ATP2B2: variants seen among roughly 807,000 people sequenced by gnomAD.
The protein encoded by ATP2B2 is plasma membrane calcium-transporting ATPase 2.
ATP2B2 carries 15 observed loss-of-function variants against 120.0 expected under a neutral mutation model. That is an observed-to-expected ratio of 0.12 (90% CI 0.08 to 0.19). The LOEUF (loss-of-function observed/expected upper bound fraction) is 0.19. Ranked by LOEUF, ATP2B2 falls within the 10% of genes least tolerant of loss-of-function variation. ATP2B2 has a pLI of 1.00. For missense variants in ATP2B2, 1,045 were observed against 1,719.8 expected (o/e 0.61, Z 6.94); for synonymous variants, 694 against 700.3 (o/e 0.99, Z 0.14).
At chr3:10,440,100 T>TAAAAAAAAAAA (rs71055819) in intron 2 of ATP2B2, among the ~76,000 whole-genome samples, 1 of 28,142 alleles carries the variant, frequency 3.6e-5, no homozygotes, top group Non-Finnish European at 6.0e-5. Context: ...AGACTCTATC[T>TAAAAAAAAAAA]AAAAAAAAAA....
upstream of ATP2B2, among the ~76,000 whole-genome samples, chr3:10,506,612 C>G (rs967382905): frequency 6.6e-6 from 1 of 152,170 alleles, no homozygotes; most frequent in Non-Finnish European, 1.5e-5. Context: ...CTCTAGAATT[C>G]TGAAGCCTTG....
intron 3 of ATP2B2, among the ~76,000 whole-genome samples, chr3:10,522,253 G>A (rs962535893): frequency 5.9e-5 from 9 of 152,124 alleles, no homozygotes; most frequent in East Asian, 3.8e-4. Flanking sequence ...TTTTCAGTAC[G>A]TGTGTATTGC....
In ATP2B2 at chr3:10,635,249, C is replaced by A. The variant is rs1157199863; in HGVS notation, c.-459-15288G>T. 6.6e-6 allele frequency among the ~76,000 whole-genome samples: 1 copy of A among 152,156 alleles called. No individual in the cohort carries two copies. Among genetic ancestry groups the A allele is most frequent in the Non-Finnish European group, 1.5e-5 (1 of 68,036 alleles). ...TCTCTCAATTTGGGGATGTTGGCAA[C>A]TAATTCCAGTTTAAAACCCATAACA... On this transcript the variant is annotated intron_variant, in intron 1 of 21. Coordinates refer to the ATP2B2 transcript ENST00000646379. The surrounding 1 kb of genome is among the most constrained non-coding windows in gnomAD (Gnocchi z 4.3).
In ATP2B2 at chr3:10,420,019, A is replaced by C. The variant is rs183799551; in HGVS notation, c.200-9204T>G. Among the ~76,000 whole-genome samples, 126 of 152,348 alleles carry C rather than the reference A, an allele frequency of 8.3e-4. 4 individuals are homozygous for C. In the East Asian group the frequency reaches 0.019, roughly 22 times the overall value. On this transcript the variant is annotated intron_variant, in intron 2 of 22. Transcript: ENST00000360273. ...CTTCGTATATTTAAAATGTAGCCTG[A>C]GAGGCACCCAGAAGGCAGGCATGGG...
At chr3:10,394,989 C>T (rs1052945600) in intron 5 of ATP2B2, among the ~76,000 whole-genome samples, 2 of 152,196 alleles carry the variant, frequency 1.3e-5, no homozygotes, top group African/African-American at 4.8e-5. Context: ...GAGCCCAGAG[C>T]TGGGGTCTGG....
chr3:10,348,774 TA>T (rs2060497084), intron 16 of ATP2B2, among the ~76,000 whole-genome samples: 1 of 152,178 alleles, frequency 6.6e-6, no homozygotes, highest in Admixed American at 6.5e-5. Flanking sequence ...AGGGACCACT[TA>T]TTCAATGCCT....
intron 2 of ATP2B2, chr3:10,570,051 C>T (rs775970573): frequency 3.9e-5 from 6 of 152,158 alleles, no homozygotes; most frequent in Non-Finnish European, 8.8e-5. Flanking sequence ...TGGTCATTTA[C>T]TTTGGATGCC....
At chr3:10,436,770 G>A (rs1381764022) in intron 2 of ATP2B2, among the ~76,000 whole-genome samples, 1 of 152,098 alleles carries the variant, frequency 6.6e-6, no homozygotes, top group Admixed American at 6.5e-5. Flanking sequence ...TTAGTGGAGC[G>A]ACATCGGCAC....
chr3:10,449,228 A>G, intron 2 of ATP2B2, 117 bp downstream of exon 2: 2 of 1,183,832 alleles, frequency 1.7e-6, no homozygotes, highest in East Asian at 2.5e-5. Flanking sequence ...CCATTCTGGC[A>G]TTTCAGCCTT....
At chr3:10,664,516 A>G (rs2070874207) in intron 1 of ATP2B2, among the ~76,000 whole-genome samples, 1 of 152,142 alleles carries the variant, frequency 6.6e-6, no homozygotes, top group Non-Finnish European at 1.5e-5. Flanking sequence ...GCACCTCTGG[A>G]AGGCTCCTTG....
chr3:10,576,532 A>G (rs1001638709), intron 2 of ATP2B2, among the ~76,000 whole-genome samples: 1 of 151,938 alleles, frequency 6.6e-6, no homozygotes, highest in Non-Finnish European at 1.5e-5. Context: ...GTGTGGTGCC[A>G]CCTTTCCCGG....
intron 1 of ATP2B2, among the ~76,000 whole-genome samples, chr3:10,470,459 C>A (rs910071625): frequency 6.6e-6 from 1 of 152,148 alleles, no homozygotes; most frequent in Non-Finnish European, 1.5e-5. Flanking sequence ...TCCCCAGGGA[C>A]TAATGAGTTA....
intron 1 of ATP2B2, among the ~76,000 whole-genome samples, chr3:10,470,656 T>C (rs1307550615): frequency 2.0e-5 from 3 of 152,224 alleles, no homozygotes; most frequent in Non-Finnish European, 4.4e-5. Context: ...CCTGACCCAC[T>C]GTGCCAAGTT....
intron 22 of ATP2B2, among the ~76,000 whole-genome samples, chr3:10,337,845 G>A (rs769982024): frequency 5.1e-4 from 78 of 152,154 alleles, no homozygotes; most frequent in Admixed American, 9.8e-4. Context: ...AGCCCTGAGC[G>A]ACAGTCCCCT....
intron 2 of ATP2B2, among the ~76,000 whole-genome samples, chr3:10,545,435 G>A (rs1026160587): frequency 6.6e-6 from 1 of 151,724 alleles, no homozygotes; most frequent in Admixed American, 6.6e-5. Flanking sequence ...AGGCTGCAGC[G>A]AGAGAATCGC....
chr3:10,687,920 G>A (rs183437246), intron 1 of ATP2B2, among the ~76,000 whole-genome samples: 2 of 152,124 alleles, frequency 1.3e-5, no homozygotes, highest in East Asian at 3.9e-4. Context: ...TTATTAGCTG[G>A]GTGACCTTAG....
At chr3:10,585,643 A>G (rs2068494079) in intron 2 of ATP2B2, among the ~76,000 whole-genome samples, 1 of 151,692 alleles carries the variant, frequency 6.6e-6, no homozygotes, top group Non-Finnish European at 1.5e-5. Context: ...ACCAACATGC[A>G]AGTTTGTTCC....
chr3:10,676,564 C>A (rs1377465635), intron 1 of ATP2B2, among the ~76,000 whole-genome samples: 1 of 151,958 alleles, frequency 6.6e-6, no homozygotes, highest in South Asian at 2.1e-4. Context: ...AGCAGTAAAC[C>A]AGTAGCAAAG....
intron 1 of ATP2B2, among the ~76,000 whole-genome samples, chr3:10,676,803 A>T (rs1317422592): frequency 1.3e-5 from 2 of 152,218 alleles, no homozygotes; most frequent in African/African-American, 4.8e-5. Context: ...CCTGAATCCA[A>T]AATAAAGGAT....
Sources: allele counts gnomAD v4.1 joint callset (sites outside exome capture counted in the v4.1 genomes callset), GRCh38; gene constraint gnomAD v4.1.1; non-coding constraint Gnocchi (gnomAD v3.1); transcripts MANE v1.5; gene names NCBI Gene and HGNC (gene_info 2026-07-23, HGNC 2026-07-21).